SNTG1: variants seen among roughly 807,000 people sequenced by gnomAD.
SNTG1 encodes the protein gamma-1-syntrophin.
SNTG1 carries 39 observed loss-of-function variants against 74.7 expected under a neutral mutation model. That is an observed-to-expected ratio of 0.52 (90% CI 0.40 to 0.68). The LOEUF (loss-of-function observed/expected upper bound fraction) is 0.68, where lower values mean the gene tolerates loss of function less well. Ranked by LOEUF, SNTG1 falls within the 30% of genes least tolerant of loss-of-function variation. SNTG1 has a pLI of 0.00. For synonymous variants in SNTG1, 254 were observed against 217.1 expected, an observed-to-expected ratio of 1.17 and a Z score of -1.49; for missense variants, 685 against 609.5, an observed-to-expected ratio of 1.12 and a Z score of -1.30.
At chr8:50,719,855 A>T (rs760493610) in intron 17 of SNTG1, among the ~76,000 whole-genome samples, 5 of 152,200 alleles carry the variant, frequency 3.3e-5, no homozygotes, top group Non-Finnish European at 7.4e-5. Context: ...TTAATAGAAA[A>T]AGATTAACTT....
chr8:50,488,946 G>A (rs2093824289), intron 8 of SNTG1, among the ~76,000 whole-genome samples: 1 of 151,690 alleles, frequency 6.6e-6, no homozygotes, highest in Non-Finnish European at 1.5e-5. Flanking sequence ...CCCCACAACA[G>A]GCCCCAATGT....
At chr8:50,537,518 T>A (rs55864218) in intron 11 of SNTG1, among the ~76,000 whole-genome samples, 3,332 of 152,270 alleles carry the variant, frequency 0.022, 131 homozygotes, top group African/African-American at 0.075. Context: ...TCTCTTTTTA[T>A]CTTGATCAGT....
chr8:50,108,971 C>T (rs1317054056), intron 1 of SNTG1, among the ~76,000 whole-genome samples: 2 of 152,028 alleles, frequency 1.3e-5, no homozygotes, highest in Non-Finnish European at 2.9e-5. Flanking sequence ...GTGGAAAAGG[C>T]GGGTAGGCAG....
intron 1 of SNTG1, among the ~76,000 whole-genome samples, chr8:50,144,255 T>G (rs2081777064): frequency 6.6e-6 from 1 of 152,224 alleles, no homozygotes; most frequent in Non-Finnish European, 1.5e-5. Flanking sequence ...GCATTGTATG[T>G]TCGGGCCACA....
intron 2 of SNTG1, among the ~76,000 whole-genome samples, chr8:50,368,048 G>A (rs946466222): frequency 6.6e-5 from 10 of 152,200 alleles, no homozygotes; most frequent in Middle Eastern, 3.4e-3. Flanking sequence ...GTAAGGGATC[G>A]GGAGGAAAAG....
chr8:50,114,811 G>C (rs1397281902), intron 1 of SNTG1, among the ~76,000 whole-genome samples: 1 of 152,156 alleles, frequency 6.6e-6, no homozygotes, highest in Non-Finnish European at 1.5e-5. Flanking sequence ...GTTGCAATGA[G>C]CCGAGATCGT....
chr8:50,488,928 G>A (rs992088148), intron 8 of SNTG1, among the ~76,000 whole-genome samples: 25 of 151,716 alleles, frequency 1.6e-4, no homozygotes, highest in African/African-American at 5.8e-4. Flanking sequence ...CCCTCCCATA[G>A]CCCCCCACCC....
intron 1 of SNTG1, among the ~76,000 whole-genome samples, chr8:50,028,372 A>G (rs992870592): frequency 6.6e-6 from 1 of 152,010 alleles, no homozygotes; most frequent in Non-Finnish European, 1.5e-5. Flanking sequence ...TTTCCCAAAT[A>G]TATTAGTTTA....
rs1451803956 is a variant in SNTG1, at chr8:50,072,043, C to A, written c.-102-100518C>A. Among the ~76,000 whole-genome samples, 3 of 152,016 alleles carry A rather than the reference C, an allele frequency of 2.0e-5. No individual in the cohort carries two copies. In the East Asian group the frequency reaches 5.8e-4, roughly 29 times the overall value. Reference sequence around the variant, plus strand: ...ATGAACCCCCCAGTGTGATTGGTACCAACTCATTCTTGAATGCATTTTTGA... The same window carrying A: ...ATGAACCCCCCAGTGTGATTGGTACAAACTCATTCTTGAATGCATTTTTGA... On this transcript the variant is annotated intron_variant, in intron 1 of 18. Coordinates refer to ENST00000642720, the MANE Select transcript of SNTG1 (RefSeq NM_018967.5).
chr8:50,604,426 GA>G (rs913588735), intron 13 of SNTG1, among the ~76,000 whole-genome samples: 211 of 139,950 alleles, frequency 1.5e-3, no homozygotes, highest in East Asian at 5.6e-3. Flanking sequence ...AAAAAAGAAA[GA>G]AAAAAAAAAA....
At chr8:50,075,450 A>G (rs203934) in intron 1 of SNTG1, among the ~76,000 whole-genome samples, 131,797 of 152,264 alleles carry the variant, frequency 0.87, 57,174 homozygotes, top group East Asian at 0.99. Flanking sequence ...AATCTGGTGG[A>G]GACTTGGAGA....
intron 1 of SNTG1, among the ~76,000 whole-genome samples, chr8:50,144,887 A>G (rs1334958102): frequency 6.6e-6 from 1 of 152,232 alleles, no homozygotes; most frequent in Non-Finnish European, 1.5e-5. Context: ...GAAAACTTCT[A>G]GTAGCATTGT....
chr8:50,336,597 C>T (rs2091151975), intron 2 of SNTG1, among the ~76,000 whole-genome samples: 1 of 152,090 alleles, frequency 6.6e-6, no homozygotes, highest in Non-Finnish European at 1.5e-5. Flanking sequence ...ATGTAGTTTT[C>T]TTAGGGCAGA....
At chr8:50,499,797 G>A (rs2093935741) in intron 8 of SNTG1, among the ~76,000 whole-genome samples, 1 of 151,758 alleles carries the variant, frequency 6.6e-6, no homozygotes, top group Non-Finnish European at 1.5e-5. Flanking sequence ...AGGTTTTTAT[G>A]TGGTTAATTA....
rs115455068 is a variant in SNTG1, at chr8:50,655,713, G to A, written c.850-1196G>A. 2.5e-3 allele frequency among the ~76,000 whole-genome samples: 383 copies of A among 152,284 alleles called. 2 individuals are homozygous for A. The highest frequency in any genetic ancestry group is 8.9e-3 in the African/African-American group (370 of 41,564). The stretch of plus-strand genomic sequence containing the variant: ...GGAAAGAAGATGAGATCTATGAGTA[G>A]ACGACAGTAATATTTCAAATCTTGC... On this transcript the variant is annotated intron_variant, in intron 13 of 18. Coordinates refer to ENST00000642720, the MANE Select transcript of SNTG1 (RefSeq NM_018967.5).
chr8:50,553,307 T>C, intron 12 of SNTG1, 128 bp downstream of exon 12: 1 of 1,221,880 alleles, frequency 8.2e-7, no homozygotes, highest in South Asian at 1.5e-5. Flanking sequence ...AAAGCTATTC[T>C]GGAATACTTA....
At chr8:50,516,971 G>T (rs1035942441) in intron 9 of SNTG1, among the ~76,000 whole-genome samples, 2 of 152,124 alleles carry the variant, frequency 1.3e-5, no homozygotes, top group Non-Finnish European at 2.9e-5. Flanking sequence ...ATCAAGAAGA[G>T]CAATCCCAAG....
intron 1 of SNTG1, among the ~76,000 whole-genome samples, chr8:50,024,939 T>C (rs1431363911): frequency 6.6e-6 from 1 of 152,108 alleles, no homozygotes; most frequent in Non-Finnish European, 1.5e-5. Context: ...TCAGTATGCA[T>C]GCAATTTAAA....
chr8:50,553,082 G>C lies in SNTG1; in HGVS notation c.713G>C (p.Gly238Ala). The C allele has an allele frequency of 6.2e-7, 1 of 1,613,886 alleles. No homozygotes were observed. Among genetic ancestry groups the C allele is most frequent in the South Asian group, 1.1e-5 (1 of 91,078 alleles). ...QNAFQVIAVD[G>A]VCTGIIQCLS... Reference sequence around the variant, plus strand: ...GCCTTTCAAGTCATTGCTGTGGATGGGGTCTGCACTGGGATTATTCAGTGC... The same window carrying C: ...GCCTTTCAAGTCATTGCTGTGGATGCGGTCTGCACTGGGATTATTCAGTGC... Residue 238 changes from glycine (G) to alanine (A), a missense_variant, in exon 12 of 19, where the codon GGG (glycine) becomes GCG (alanine). Physicochemically the swap from Gly to Ala is moderately conservative, Grantham distance 60. Coordinates refer to ENST00000642720, the MANE Select transcript of SNTG1 (RefSeq NM_018967.5).
Sources: allele counts gnomAD v4.1 joint callset (sites outside exome capture counted in the v4.1 genomes callset), GRCh38; gene constraint gnomAD v4.1.1; transcripts MANE v1.5; gene names NCBI Gene and HGNC (gene_info 2026-07-23, HGNC 2026-07-21).